Variants in AKAP13 observed in about 807,000 individuals in gnomAD.
The protein encoded by AKAP13 is A-kinase anchoring protein 13.
A neutral mutation model predicts 264.5 loss-of-function variants in AKAP13; 80 were observed. That is an observed-to-expected ratio of 0.30 (90% CI 0.25 to 0.36). AKAP13 has a LOEUF of 0.36. Ranked by LOEUF, AKAP13 falls within the 10% of genes least tolerant of loss-of-function variation. The pLI, the probability that AKAP13 is intolerant of heterozygous loss-of-function variation, is 1.00. For synonymous variants in AKAP13, 1,380 were observed against 1,250.2 expected (o/e 1.10, Z -2.19); for missense variants, 3,712 against 3,435.2 (o/e 1.08, Z -2.01).
intron 10 of AKAP13, among the ~76,000 whole-genome samples, chr15:85,650,803 C>T (rs1555455278): frequency 9.8e-6 from 1 of 101,670 alleles, no homozygotes. Context: ...ACAAAAACTG[C>T]AATTGCCTGT....
intron 4 of AKAP13, chr15:85,534,871 T>G (rs1211899095): frequency 6.7e-6 from 1 of 150,154 alleles, no homozygotes; most frequent in South Asian, 2.1e-4. Context: ...TGAAACATAA[T>G]GTGTACCTGG....
intron 1 of AKAP13, among the ~76,000 whole-genome samples, chr15:85,406,295 G>T (rs1196610183): frequency 5.3e-5 from 8 of 152,178 alleles, no homozygotes; most frequent in Non-Finnish European, 1.5e-5. Flanking sequence ...AAGAGTGAAG[G>T]GACCATGATT....
At chr15:85,712,935 G>A (rs2086710820) in intron 19 of AKAP13, among the ~76,000 whole-genome samples, 1 of 152,192 alleles carries the variant, frequency 6.6e-6, no homozygotes, top group Non-Finnish European at 1.5e-5. Flanking sequence ...ATGGATTCAA[G>A]TCTGACACCA....
Position 85,601,760 on chromosome 15 carries a change from A to G in AKAP13, c.4161+15937A>G, listed in dbSNP as rs139836831. 1.1e-4 allele frequency among the ~76,000 whole-genome samples: 16 copies of G among 152,142 alleles called. 1 individual carries two copies. The East Asian group carries it at 3.1e-3, about 29-fold the overall frequency. ...TAAGAGCCCCAAAGAGCTTTTGTTT[A>G]TATAGGTTATATCTAGAAATGTTTA... On this transcript the variant is annotated intron_variant, in intron 8 of 36. Coordinates refer to ENST00000394518, the MANE Select transcript of AKAP13 (RefSeq NM_007200.5).
intron 2 of AKAP13, among the ~76,000 whole-genome samples, chr15:85,495,561 A>AT (rs1055001608): frequency 3.9e-5 from 6 of 152,128 alleles, no homozygotes; most frequent in African/African-American, 1.4e-4. Flanking sequence ...CAAACAGCAT[A>AT]TTTTTGCCCC....
rs35886054 is a variant in AKAP13, at chr15:85,507,383, C to CA, written c.34-14031dup. On this transcript the variant is annotated intron_variant, in intron 2 of 36. Transcript: ENST00000394518. ...TTGTCTATGGCTCCTTTTGTGCTAC[C>CA]AAAAAAAAAAAAAACATAAGAAACG... Among the ~76,000 whole-genome samples, 1,040 of 137,634 alleles carry CA rather than the reference C, an allele frequency of 7.6e-3. 12 individuals carry two copies. Among genetic ancestry groups the CA allele is most frequent in the African/African-American group, 0.02 (720 of 36,736 alleles). The allele number at this position is 137,634 out of a possible 152,430, so 90.3% of individuals were successfully genotyped here.
In AKAP13 at chr15:85,735,092, G is replaced by T; in HGVS notation, c.7383G>T (p.Leu2461=). ...IEQDVVGPVS[L]PRRAETFGGF... is the part of the protein sequence containing the mutation. ...AAGATGTGGTCGGTCCCGTTTCCCT[G>T]CCCCGGAGAGCAGAGACCTTTGGAG... Residue 2461 remains leucine, a synonymous_variant, in exon 31 of 37, where the codon CTG becomes CTT. Coordinates refer to ENST00000394518, the MANE Select transcript of AKAP13 (RefSeq NM_007200.5). 6.2e-7 allele frequency: 1 copy of T among 1,614,188 alleles called. No homozygotes were observed. Among genetic ancestry groups the T allele is most frequent in the South Asian group, 1.1e-5 (1 of 91,080 alleles).
intron 9 of AKAP13, among the ~76,000 whole-genome samples, chr15:85,643,425 C>G (rs1219381148): frequency 6.6e-6 from 1 of 152,116 alleles, no homozygotes; most frequent in Admixed American, 6.5e-5. Flanking sequence ...TCTAAGCTAC[C>G]AGCGCAAATA....
chr15:85,652,259 T>C (rs2082891373), intron 10 of AKAP13, among the ~76,000 whole-genome samples: 1 of 152,214 alleles, frequency 6.6e-6, no homozygotes, highest in Admixed American at 6.5e-5. Context: ...TAGATGGTTG[T>C]TTTATAAACT....
At chr15:85,705,192 G>A (rs938800319) in intron 17 of AKAP13, among the ~76,000 whole-genome samples, 3 of 152,142 alleles carry the variant, frequency 2.0e-5, no homozygotes, top group African/African-American at 7.2e-5. Context: ...TCAAACACTG[G>A]CCTGAGAGTT....
At chr15:85,533,506 G>C (rs1269168156) in intron 3 of AKAP13, 78 bp from the exon 4 acceptor site, 4 of 1,395,836 alleles carry the variant, frequency 2.9e-6, no homozygotes, top group Non-Finnish European at 3.9e-6. Flanking sequence ...CGTGAAATAA[G>C]AGCTAAGAGG....
At chr15:85,448,015 C>A (rs1302221422) in intron 1 of AKAP13, among the ~76,000 whole-genome samples, 1 of 152,170 alleles carries the variant, frequency 6.6e-6, no homozygotes, top group Non-Finnish European at 1.5e-5. Context: ...CTTTTCCCTG[C>A]AACCTTGCCA....
At chr15:85,393,515 C>T (rs1435014096) in intron 1 of AKAP13, among the ~76,000 whole-genome samples, 1 of 152,144 alleles carries the variant, frequency 6.6e-6, no homozygotes, top group Admixed American at 6.5e-5. Flanking sequence ...GTGTGTATGT[C>T]CAGTCTAGAG....
intron 33 of AKAP13, among the ~76,000 whole-genome samples, chr15:85,738,249 A>T (rs189971380): frequency 6.6e-6 from 1 of 151,812 alleles, no homozygotes; most frequent in African/African-American, 2.4e-5. Flanking sequence ...AATATTAGCC[A>T]GGCATGGTGG....
At chr15:85,461,827 T>C (rs764909014) in intron 1 of AKAP13, among the ~76,000 whole-genome samples, 3 of 152,200 alleles carry the variant, frequency 2.0e-5, no homozygotes, top group Admixed American at 6.5e-5. Flanking sequence ...AGCTAAGATG[T>C]TGGGAGTTTA....
At chr15:85,545,199 A>C (rs716401) in intron 5 of AKAP13, among the ~76,000 whole-genome samples, 89,548 of 152,058 alleles carry the variant, frequency 0.59, 26,759 homozygotes, top group African/African-American at 0.64. Flanking sequence ...CATCTGGCCA[A>C]TGATTGGATT....
At position 85,485,770 on chromosome 15, in the gene AKAP13, A is replaced by T. The variant is rs768815366; in HGVS notation, c.33+17A>T. The T allele has an allele frequency of 6.2e-7, 1 of 1,610,344 alleles. No homozygotes were observed. On this transcript the variant is annotated intron_variant, in intron 2 of 36. Coordinates refer to ENST00000394518, the MANE Select transcript of AKAP13 (RefSeq NM_007200.5). ...CCCTTATATGTGAGTAAATCATGAG[A>T]TTTCTTATTATTTTGTGTTTATCTG...
chr15:85,521,632 C>A, intron 3 of AKAP13, 57 bp downstream of exon 3: 1 of 1,567,322 alleles, frequency 6.4e-7, no homozygotes, highest in Non-Finnish European at 8.7e-7. Context: ...CCCTTTTATT[C>A]GATGTTTATG....
intron 14 of AKAP13, among the ~76,000 whole-genome samples, chr15:85,675,154 A>G (rs2084155668): frequency 1.3e-5 from 2 of 152,176 alleles, no homozygotes; most frequent in South Asian, 4.1e-4. Context: ...CTTATGATCC[A>G]TGATTTTGTG....
Sources: gnomAD v4.1 joint callset for allele counts (sites outside exome capture counted in the v4.1 genomes callset) on GRCh38, gnomAD v4.1.1 for gene constraint, MANE v1.5 for transcripts, NCBI Gene and HGNC (gene_info 2026-07-23, HGNC 2026-07-21) for gene names.